KCNN2: variants seen among roughly 807,000 people sequenced by gnomAD.
KCNN2 encodes small conductance calcium-activated potassium channel protein 2.
In KCNN2, 24 loss-of-function variants were observed where a neutral mutation model predicts 55.5. The ratio of observed to expected loss-of-function variants is 0.43; its 90% CI spans 0.31 to 0.61. KCNN2 has a LOEUF of 0.61. Among genes scored for constraint, KCNN2 ranks in the 20% least tolerant of loss-of-function variants. KCNN2 has a pLI of 0.08. For missense variants in KCNN2, 754 were observed against 853.6 expected, an observed-to-expected ratio of 0.88 and a Z score of 1.45; for synonymous variants, 431 against 336.1, an observed-to-expected ratio of 1.28 and a Z score of -3.09.
intron 2 of KCNN2, among the ~76,000 whole-genome samples, chr5:114,373,305 G>A (rs1469700207): frequency 2.0e-5 from 3 of 151,768 alleles, no homozygotes; most frequent in Admixed American, 2.0e-4. Flanking sequence ...TATCCCTTTT[G>A]AATAGTTAAA....
At chr5:114,251,053 A>G (rs1285235189) in intron 2 of KCNN2, among the ~76,000 whole-genome samples, 1 of 152,222 alleles carries the variant, frequency 6.6e-6, no homozygotes, top group Non-Finnish European at 1.5e-5. Flanking sequence ...CAAATAATGG[A>G]AAATTCCTCT....
intron 2 of KCNN2, among the ~76,000 whole-genome samples, chr5:114,308,097 C>T (rs1199869470): frequency 2.0e-5 from 3 of 152,130 alleles, no homozygotes; most frequent in Non-Finnish European, 4.4e-5. Flanking sequence ...TCCTATCAGG[C>T]TTTGCTGAAG....
intron 3 of KCNN2, among the ~76,000 whole-genome samples, chr5:114,449,193 C>G (rs1292978059): frequency 6.6e-6 from 1 of 152,122 alleles, no homozygotes; most frequent in Non-Finnish European, 1.5e-5. Context: ...TCCTGCCTTT[C>G]CAAGGGACCT....
At chr5:114,332,267 A>ACT (rs940484160) in intron 2 of KCNN2, among the ~76,000 whole-genome samples, 3 of 152,212 alleles carry the variant, frequency 2.0e-5, no homozygotes, top group Non-Finnish European at 2.9e-5. Flanking sequence ...CGGATGGCCC[A>ACT]CTGCCTGCAT....
chr5:114,229,022 T>C (rs1400420723), intron 2 of KCNN2, among the ~76,000 whole-genome samples: 1 of 152,020 alleles, frequency 6.6e-6, no homozygotes, highest in Non-Finnish European at 1.5e-5. Flanking sequence ...AATTTGCTTA[T>C]TTAAATAATT....
intron 1 of KCNN2, among the ~76,000 whole-genome samples, chr5:114,160,207 TTG>T (rs563014892): frequency 3.0e-4 from 46 of 152,338 alleles, no homozygotes; most frequent in African/African-American, 1.1e-3. Context: ...TGTTGTGTCT[TTG>T]TTCTCATTGG....
intron 1 of KCNN2, among the ~76,000 whole-genome samples, chr5:114,087,758 G>C (rs1180456673): frequency 6.6e-6 from 1 of 151,314 alleles, no homozygotes; most frequent in Admixed American, 6.6e-5. Flanking sequence ...CTTCTCTCTT[G>C]GCTTATCAAC....
intron 2 of KCNN2, among the ~76,000 whole-genome samples, chr5:114,312,511 C>T (rs1037252735): frequency 7.5e-6 from 1 of 133,770 alleles, no homozygotes; most frequent in Non-Finnish European, 1.6e-5. Context: ...TTGTACAAAC[C>T]CCCATATGGT....
intron 2 of KCNN2, among the ~76,000 whole-genome samples, chr5:114,285,741 T>C (rs1755731576): frequency 6.6e-6 from 1 of 152,172 alleles, no homozygotes; most frequent in Admixed American, 6.5e-5. Flanking sequence ...TTTAAACTGC[T>C]ACTGTAGAGT....
chr5:114,142,815 C>G (rs1752313535), intron 1 of KCNN2, among the ~76,000 whole-genome samples: 1 of 152,118 alleles, frequency 6.6e-6, no homozygotes, highest in African/African-American at 2.4e-5. Context: ...GATTTAATGC[C>G]ACCGCCATCA....
chr5:114,268,732 T>G (rs28620908), intron 2 of KCNN2, among the ~76,000 whole-genome samples: 9 of 152,192 alleles, frequency 5.9e-5, no homozygotes, highest in African/African-American at 1.9e-4. Context: ...CTAGTTCTTA[T>G]GAGATGCACC....
chr5:114,073,748 C>G (rs534400022), intron 1 of KCNN2, among the ~76,000 whole-genome samples: 1 of 152,326 alleles, frequency 6.6e-6, no homozygotes, highest in South Asian at 2.1e-4. Context: ...AGTATAGTGC[C>G]TGATCCACAG....
intron 1 of KCNN2, among the ~76,000 whole-genome samples, chr5:114,132,904 A>G (rs964560392): frequency 5.3e-5 from 8 of 152,190 alleles, no homozygotes; most frequent in Non-Finnish European, 8.8e-5. Flanking sequence ...TTTATGATCA[A>G]ACTATTGTAA....
At chr5:114,373,935 T>C (rs1046056332) in intron 2 of KCNN2, among the ~76,000 whole-genome samples, 8 of 151,862 alleles carry the variant, frequency 5.3e-5, no homozygotes, top group Non-Finnish European at 1.0e-4. Flanking sequence ...TGAAAGCATT[T>C]GCTGTCTATT....
At chr5:114,127,281 G>T (rs975198690) in intron 1 of KCNN2, among the ~76,000 whole-genome samples, 2 of 152,196 alleles carry the variant, frequency 1.3e-5, no homozygotes, top group African/African-American at 4.8e-5. Context: ...GAGGTTCTCT[G>T]TGAGGGCTCT....
chr5:114,387,072 C>A (rs1470871317), intron 2 of KCNN2, among the ~76,000 whole-genome samples: 1 of 152,204 alleles, frequency 6.6e-6, no homozygotes, highest in African/African-American at 2.4e-5. Flanking sequence ...AACCTAACTT[C>A]ATTGTGGCCA....
At chr5:114,355,030 T>C (rs1161555301) in intron 2 of KCNN2, among the ~76,000 whole-genome samples, 3 of 152,196 alleles carry the variant, frequency 2.0e-5, no homozygotes, top group Admixed American at 6.5e-5. Context: ...GAGTGTTTTG[T>C]TGCTGGTGAC....
chr5:114,421,857 G>A lies in KCNN2; in HGVS notation c.1637+17001G>A, dbSNP rs771999504. 3.9e-5 allele frequency among the ~76,000 whole-genome samples: 6 copies of A among 152,134 alleles called. No individual in the cohort carries two copies. In the South Asian group the frequency reaches 6.2e-4, roughly 16 times the overall value. The stretch of plus-strand genomic sequence containing the variant: ...ACTCCTGACCTCAGGTTATCCACCC[G>A]CCTCGGCCTCCCAAAGTGTTTACAG... On this transcript the variant is annotated intron_variant, in intron 3 of 7. Coordinates refer to ENST00000673685, the MANE Select transcript of KCNN2 (RefSeq NM_021614.4).
intron 1 of KCNN2, among the ~76,000 whole-genome samples, chr5:114,160,335 G>C (rs1752742907): frequency 6.6e-6 from 1 of 152,134 alleles, no homozygotes; most frequent in African/African-American, 2.4e-5. Flanking sequence ...TCTTATTCCT[G>C]AGTTCTAGTT....
Sources: allele counts gnomAD v4.1 joint callset (sites outside exome capture counted in the v4.1 genomes callset), GRCh38; gene constraint gnomAD v4.1.1; transcripts MANE v1.5; gene names NCBI Gene and HGNC (gene_info 2026-07-23, HGNC 2026-07-21).